COL4A2: variants seen among roughly 807,000 people sequenced by gnomAD.
COL4A2 encodes the protein collagen type IV alpha 2 chain.
Under a neutral mutation model 200.2 loss-of-function variants are expected in COL4A2, and 99 were observed. That is an observed-to-expected ratio of 0.49 (90% CI 0.42 to 0.58). The LOEUF is 0.58. COL4A2 is among the 20% of genes least tolerant of loss of function. COL4A2 has a pLI of 0.00. For synonymous variants in COL4A2, 897 were observed against 900.6 expected (o/e 1.00, Z 0.07); for missense variants, 1,950 against 2,314.1 (o/e 0.84, Z 3.23).
intron 3 of COL4A2, among the ~76,000 whole-genome samples, chr13:110,317,136 A>C (rs764702474): frequency 2.7e-4 from 40 of 149,836 alleles, no homozygotes; most frequent in African/African-American, 8.7e-4. Flanking sequence ...CTTGCACCCC[A>C]CACACACATA....
intron 3 of COL4A2, among the ~76,000 whole-genome samples, chr13:110,356,287 C>G (rs971805957): frequency 6.6e-6 from 1 of 152,202 alleles, no homozygotes; most frequent in Admixed American, 6.5e-5. Flanking sequence ...AGGAAAGCCT[C>G]TTCCCGGCAT....
intron 17 of COL4A2, 133 bp from the exon 18 acceptor site, chr13:110,446,665 G>A: frequency 1.4e-6 from 1 of 691,524 alleles, no homozygotes; most frequent in Non-Finnish European, 2.4e-6. Context: ...CACTGTCTGT[G>A]GTTCCACTGG....
At chr13:110,308,429 G>A (rs1376816871) in intron 3 of COL4A2, among the ~76,000 whole-genome samples, 1 of 152,178 alleles carries the variant, frequency 6.6e-6, no homozygotes, top group Non-Finnish European at 1.5e-5. Context: ...TGCAGCCGTA[G>A]AGGCCAGGAA....
intron 4 of COL4A2, among the ~76,000 whole-genome samples, chr13:110,361,891 G>A (rs1877529708): frequency 6.6e-6 from 1 of 152,238 alleles, no homozygotes; most frequent in Admixed American, 6.5e-5. Flanking sequence ...GCCAGCCCAT[G>A]TCCTGTAGTT....
intron 46 of COL4A2, among the ~76,000 whole-genome samples, chr13:110,506,807 A>G (rs1307377155): frequency 7.9e-5 from 12 of 152,136 alleles, no homozygotes; most frequent in Admixed American, 7.9e-4. Context: ...AAACCTCAGG[A>G]CCTTAACACA....
chr13:110,337,299 T>C (rs1876239336), intron 3 of COL4A2, among the ~76,000 whole-genome samples: 1 of 152,226 alleles, frequency 6.6e-6, no homozygotes, highest in African/African-American at 2.4e-5. Context: ...AAGGACACTG[T>C]ACCCTGCTGT....
intron 4 of COL4A2, among the ~76,000 whole-genome samples, chr13:110,391,727 GA>G (rs1431990444): frequency 7.2e-5 from 11 of 152,312 alleles, no homozygotes; most frequent in African/African-American, 2.6e-4. Context: ...ATTCGAGGTA[GA>G]CAAAGTAATC....
intron 25 of COL4A2, 126 bp from the exon 26 acceptor site, chr13:110,465,877 C>G: frequency 8.2e-7 from 1 of 1,222,686 alleles, no homozygotes; most frequent in Non-Finnish European, 1.1e-6. Flanking sequence ...CTGCCCATTT[C>G]AAAGCCTTCC....
intron 4 of COL4A2, among the ~76,000 whole-genome samples, chr13:110,359,642 G>A (rs1877433123): frequency 6.6e-6 from 1 of 152,162 alleles, no homozygotes; most frequent in Non-Finnish European, 1.5e-5. Context: ...TACCTGCCAG[G>A]AAGAACGACC....
chr13:110,478,303 T>C, intron 30 of COL4A2, 139 bp downstream of exon 30: 1 of 725,386 alleles, frequency 1.4e-6, no homozygotes, highest in Non-Finnish European at 2.0e-6. Flanking sequence ...AACCAGAACA[T>C]GTATTTCACC....
intron 4 of COL4A2, among the ~76,000 whole-genome samples, chr13:110,398,693 AAAAG>A (rs539878363): frequency 2.1e-4 from 32 of 152,110 alleles, no homozygotes; most frequent in Non-Finnish European, 4.4e-4. Flanking sequence ...ACTCTGTCAA[AAAAG>A]AAAGAAAGAA....
chr13:110,343,048 G>A (rs545641484), intron 3 of COL4A2, among the ~76,000 whole-genome samples: 108 of 152,286 alleles, frequency 7.1e-4, no homozygotes, highest in African/African-American at 2.2e-3. Context: ...TTCCAAATTA[G>A]CCTTATCGAC....
chr13:110,320,641 T>G (rs1380625166), intron 3 of COL4A2, among the ~76,000 whole-genome samples: 1 of 152,122 alleles, frequency 6.6e-6, no homozygotes, highest in African/African-American at 2.4e-5. Flanking sequence ...AAAGTCTAAC[T>G]CTGAGGCCAT....
In COL4A2 at chr13:110,398,606, T is replaced by C. The variant is rs577516695; in HGVS notation, c.181-26128T>C. Among the ~76,000 whole-genome samples the C allele has an allele frequency of 1.6e-3, 240 of 152,116 alleles. 1 individual carries two copies. The highest frequency in any genetic ancestry group is 5.6e-3 in the African/African-American group (233 of 41,496). ...TACTTGGGAGGCTGAAGCAGGAGAA[T>C]CGCTTGAACCCAGGAGGTGGAGGTT... On this transcript the variant is annotated intron_variant, in intron 4 of 47. Transcript: ENST00000360467.
In COL4A2 at chr13:110,508,677, G is replaced by A. The variant is rs1337525499; in HGVS notation, c.4881+456G>A. 6.6e-6 allele frequency among the ~76,000 whole-genome samples: 1 copy of A among 152,200 alleles called. No individual in the cohort carries two copies. Among genetic ancestry groups the A allele is most frequent in the African/African-American group, 2.4e-5 (1 of 41,450 alleles). On this transcript the variant is annotated intron_variant, in intron 47 of 47. Transcript: ENST00000360467. This position sits in a 1 kb window ranked among gnomAD's most constrained non-coding sequence, Gnocchi z 6.1. Reference sequence around the variant, plus strand: ...CTTAAAATGGATATATATTCGTGAGGAAAATTCTGGAATACCTTTGGGTAT... The same window carrying A: ...CTTAAAATGGATATATATTCGTGAGAAAAATTCTGGAATACCTTTGGGTAT...
intron 29 of COL4A2, among the ~76,000 whole-genome samples, chr13:110,474,282 C>G (rs1012884461): frequency 1.3e-5 from 2 of 152,224 alleles, no homozygotes; most frequent in African/African-American, 4.8e-5. Flanking sequence ...TCCCCTGATT[C>G]TGCCATCAGC....
intron 4 of COL4A2, among the ~76,000 whole-genome samples, chr13:110,380,119 G>T (rs1412282368): frequency 6.6e-6 from 1 of 152,196 alleles, no homozygotes; most frequent in African/African-American, 2.4e-5. Flanking sequence ...GATTGCAGAT[G>T]AAAAGAAACT....
chr13:110,373,789 G>A (rs1878118491), intron 4 of COL4A2, among the ~76,000 whole-genome samples: 1 of 152,252 alleles, frequency 6.6e-6, no homozygotes. Context: ...TCCAGCATCT[G>A]TGGAGTTGGC....
chr13:110,311,386 G>A (rs1339970433), intron 3 of COL4A2, among the ~76,000 whole-genome samples: 1 of 152,194 alleles, frequency 6.6e-6, no homozygotes, highest in East Asian at 1.9e-4. Flanking sequence ...AAGGCAGTGT[G>A]ACACAGGGGT....
Sources: allele counts gnomAD v4.1 joint callset (sites outside exome capture counted in the v4.1 genomes callset), GRCh38; gene constraint gnomAD v4.1.1; non-coding constraint Gnocchi (gnomAD v3.1); transcripts MANE v1.5; gene names NCBI Gene and HGNC (gene_info 2026-07-23, HGNC 2026-07-21).